Variants in MTUS2 observed in about 807,000 individuals in gnomAD.
MTUS2 encodes microtubule associated scaffold protein 2.
MTUS2 carries 40 observed loss-of-function variants against 114.1 expected under a neutral mutation model. The observed-to-expected ratio is 0.35, with a 90% CI of 0.27 to 0.46. MTUS2 has a LOEUF of 0.46. Ranked by LOEUF, MTUS2 falls within the 20% of genes least tolerant of loss-of-function variation. The probability of loss-of-function intolerance (pLI) is 1.00; values close to 1 mark genes in which losing one functional copy is unlikely to be tolerated. For missense variants in MTUS2, 1,679 were observed against 1,705.4 expected (o/e 0.98, Z 0.27); for synonymous variants, 688 against 672.0 (o/e 1.02, Z -0.37).
chr13:29,013,474 A>G (rs1380624224), intron 2 of MTUS2, among the ~76,000 whole-genome samples: 1 of 152,240 alleles, frequency 6.6e-6, no homozygotes, highest in Non-Finnish European at 1.5e-5. Context: ...GCAGATAATT[A>G]AAGTCCATAG....
At position 29,389,965 on chromosome 13, in the gene MTUS2, G is replaced by A. The variant is rs1371106436; in HGVS notation, c.3117+30492G>A. 4.5e-4 allele frequency among the ~76,000 whole-genome samples: 43 copies of A among 95,164 alleles called. 2 individuals carry two copies. Among genetic ancestry groups the A allele is most frequent in the African/African-American group, 1.3e-3 (32 of 23,748 alleles). The allele number at this position is 95,164 out of a possible 152,430, so 62.4% of individuals were successfully genotyped here. On this transcript the variant is annotated intron_variant, in intron 8 of 15. Transcript: ENST00000612955. ...TGTATATGTGTATGTGTATATATCTGTGTATATACACATACATGTATGTGT... is the reference window on the plus strand; with the variant it reads ...TGTATATGTGTATGTGTATATATCTATGTATATACACATACATGTATGTGT...
At chr13:29,436,954 A>G (rs1478493988) in intron 8 of MTUS2, among the ~76,000 whole-genome samples, 1 of 152,130 alleles carries the variant, frequency 6.6e-6, no homozygotes, top group East Asian at 1.9e-4. Context: ...ACAAGTCTGA[A>G]GGTCTTCATC....
chr13:29,471,742 G>GCGCC (rs764009059), intron 9 of MTUS2, among the ~76,000 whole-genome samples: 3 of 131,602 alleles, frequency 2.3e-5, no homozygotes, highest in Non-Finnish European at 4.8e-5. Flanking sequence ...TGCAGGCCCA[G>GCGCC]CCCCCCCCGA....
rs919754697 is a variant in MTUS2 at position 29,003,184 on chromosome 13, C to T, written c.-242-21273C>T. On this transcript the variant is annotated intron_variant, in intron 2 of 15. Transcript: ENST00000612955. ...TTTAATTTAAGAAACAGTTACATGC[C>T]GCTTACTGTGTGCCTAACACTTCTA... Among the ~76,000 whole-genome samples, 6 of 152,268 alleles carry T rather than the reference C, an allele frequency of 3.9e-5. No homozygotes were observed. The East Asian group carries it at 5.8e-4, about 15-fold the overall frequency.
intron 5 of MTUS2, among the ~76,000 whole-genome samples, chr13:29,231,235 G>A (rs1896311539): frequency 6.6e-6 from 1 of 152,128 alleles, no homozygotes; most frequent in Non-Finnish European, 1.5e-5. Flanking sequence ...ATGTTTTATA[G>A]CACGTATGAA....
intron 4 of MTUS2, among the ~76,000 whole-genome samples, chr13:29,085,044 G>A (rs1035002600): frequency 1.2e-4 from 18 of 152,182 alleles, no homozygotes; most frequent in East Asian, 1.2e-3. Context: ...TGCTCAGTTC[G>A]TTCATGCAAG....
At chr13:29,323,136 T>C (rs1482838772) in intron 6 of MTUS2, among the ~76,000 whole-genome samples, 1 of 152,210 alleles carries the variant, frequency 6.6e-6, no homozygotes, top group Non-Finnish European at 1.5e-5. Flanking sequence ...CTGGTCTGTG[T>C]GTACAAAGAA....
At chr13:28,841,678 TTTTTTTTG>T (rs1480611442) in intron 2 of MTUS2, among the ~76,000 whole-genome samples, 1 of 101,794 alleles carries the variant, frequency 9.8e-6, no homozygotes, top group African/African-American at 3.4e-5. Flanking sequence ...GTGTGTGTGT[TTTTTTTTG>T]TTTTTTTGTT....
chr13:29,099,039 A>G (rs1593474473), intron 4 of MTUS2, among the ~76,000 whole-genome samples: 1 of 152,204 alleles, frequency 6.6e-6, no homozygotes, highest in Admixed American at 6.5e-5. Flanking sequence ...TCCACAATCA[A>G]TTTGTCGTAA....
At chr13:29,082,111 A>G (rs1424100569) in intron 4 of MTUS2, among the ~76,000 whole-genome samples, 1 of 152,166 alleles carries the variant, frequency 6.6e-6, no homozygotes, top group Non-Finnish European at 1.5e-5. Context: ...TGAAGCCCCC[A>G]TGGTGGGAGT....
At chr13:29,189,872 C>T (rs1227471566) in intron 5 of MTUS2, among the ~76,000 whole-genome samples, 2 of 152,094 alleles carry the variant, frequency 1.3e-5, no homozygotes, top group East Asian at 1.9e-4. Context: ...CATTAACCCC[C>T]AATAGGATAA....
intron 2 of MTUS2, among the ~76,000 whole-genome samples, chr13:28,916,017 G>A (rs190357554): frequency 2.0e-5 from 3 of 151,856 alleles, no homozygotes; most frequent in Middle Eastern, 3.4e-3. Context: ...CCTGTGTATG[G>A]ATATCCAGTT....
intron 8 of MTUS2, among the ~76,000 whole-genome samples, chr13:29,419,085 A>T (rs1875888091): frequency 6.6e-6 from 1 of 152,198 alleles, no homozygotes; most frequent in East Asian, 1.9e-4. Context: ...GTTATTCCAT[A>T]CACTTAGTGT....
chr13:29,440,061 A>G lies in MTUS2; in HGVS notation c.3184+12A>G, dbSNP rs745971917. The stretch of plus-strand genomic sequence containing the variant: ...CAGGGATGAAGTTGGTAAGTAGGGC[A>G]TTGACAATGAGGAGCATAAAGAATG... On this transcript the variant is annotated intron_variant, in intron 9 of 15. Coordinates refer to ENST00000612955, the MANE Select transcript of MTUS2 (RefSeq NM_001033602.4). 3.2e-6 allele frequency: 5 copies of G among 1,572,848 alleles called. No homozygotes were observed. The highest frequency in any genetic ancestry group is 4.3e-6 in the Non-Finnish European group (5 of 1,156,780).
intron 5 of MTUS2, among the ~76,000 whole-genome samples, chr13:29,126,444 C>T (rs569921016): frequency 3.9e-5 from 6 of 152,288 alleles, no homozygotes; most frequent in South Asian, 2.1e-4. Flanking sequence ...TTACCCCTCT[C>T]GCTCTACCTG....
intron 8 of MTUS2, among the ~76,000 whole-genome samples, chr13:29,387,662 C>T (rs1041885615): frequency 2.0e-5 from 3 of 152,056 alleles, no homozygotes; most frequent in African/African-American, 7.2e-5. Flanking sequence ...TAAGCAGGAG[C>T]GAGGCGGGTG....
intron 9 of MTUS2, among the ~76,000 whole-genome samples, chr13:29,473,175 A>C (rs1880442902): frequency 6.6e-6 from 1 of 152,102 alleles, no homozygotes; most frequent in South Asian, 2.1e-4. Flanking sequence ...ATATACACAC[A>C]AAGTATTGGT....
At chr13:29,439,704 G>T (rs975040519) in intron 8 of MTUS2, among the ~76,000 whole-genome samples, 2 of 152,096 alleles carry the variant, frequency 1.3e-5, no homozygotes, top group African/African-American at 4.8e-5. Context: ...AATTTGCAAA[G>T]AATTAATGCA....
chr13:29,076,708 A>T (rs1889210121), intron 4 of MTUS2, among the ~76,000 whole-genome samples: 1 of 152,180 alleles, frequency 6.6e-6, no homozygotes, highest in African/African-American at 2.4e-5. Flanking sequence ...AATCTGCAGT[A>T]TCCTTTATGA....
Sources: gnomAD v4.1 joint callset for allele counts (sites outside exome capture counted in the v4.1 genomes callset) on GRCh38, gnomAD v4.1.1 for gene constraint, MANE v1.5 for transcripts, NCBI Gene and HGNC (gene_info 2026-07-23, HGNC 2026-07-21) for gene names.